Variants in IFFO1 observed in about 807,000 individuals in gnomAD.
The protein encoded by IFFO1 is intermediate filament family orphan 1, also known as non-homologous end joining factor IFFO1.
Under a neutral mutation model 59.6 loss-of-function variants are expected in IFFO1, and 42 were observed. That is an observed-to-expected ratio of 0.70 (90% confidence interval 0.55 to 0.91). IFFO1 has a LOEUF of 0.91. Ranked by LOEUF, IFFO1 falls within the 40% of genes least tolerant of loss-of-function variation. IFFO1 has a pLI of 0.00. For missense variants in IFFO1, 711 were observed against 793.2 expected (o/e 0.90, Z 1.24); for synonymous variants, 336 against 342.8 (o/e 0.98, Z 0.22).
Position 6,555,874 on chromosome 12 carries a change from C to T in IFFO1, c.156G>A (p.Ser52=). 1 of 1,603,560 alleles carries T rather than the reference C, an allele frequency of 6.2e-7. No homozygotes were observed. Among genetic ancestry groups the T allele is most frequent in the Non-Finnish European group, 8.5e-7 (1 of 1,177,196 alleles). ...GCGGGGCCGGGCCCGGCCCGGGCGG[C>T]GAGTAGGCAGCAGGGCCGGCCGGCG... is the stretch of plus-strand genomic sequence containing the variant. ...PLSPAGPAAY[S]PPGPGPAPPA... Residue 52 remains serine, a synonymous_variant, in exon 1 of 10, where the codon TCG becomes TCA. Transcript: ENST00000619571. The surrounding 1 kb of genome is among the most constrained non-coding windows in gnomAD (Gnocchi z 8.6).
rs765364868 is a variant in IFFO1 at position 6,548,785 on chromosome 12, G to A, written c.1145C>T (p.Ala382Val). The A allele has an allele frequency of 6.2e-7, 1 of 1,613,862 alleles. No homozygotes were observed. The highest frequency in any genetic ancestry group is 1.1e-5 in the South Asian group (1 of 91,072). Residue 382 changes from alanine (A) to valine (V), a missense_variant, in exon 6 of 10, where the codon GCC (alanine) becomes GTC (valine). Physicochemically the swap from Ala to Val is moderately conservative, Grantham distance 64. Around this residue, in one of 3 missense-constraint regions of IFFO1, gnomAD observed 579 missense variants for 650.3 expected, o/e 0.89. Transcript: ENST00000619571. The surrounding 1 kb of genome is among the most constrained non-coding windows in gnomAD (Gnocchi z 6.1). ...MGGRKRERKA[A>V]VEEDTSLSES... Reference sequence around the variant, plus strand: ...CGACAGGGAGGTGTCCTCCTCGACGGCAGCCTTGCGCTCCCGCTTCCGCCC... The same window carrying A: ...CGACAGGGAGGTGTCCTCCTCGACGACAGCCTTGCGCTCCCGCTTCCGCCC...
At position 6,541,649 on chromosome 12, in the gene IFFO1, T is replaced by G; in HGVS notation, c.1480-7A>C. 1 of 1,613,916 alleles carries G rather than the reference T, an allele frequency of 6.2e-7. No homozygotes were observed. The highest frequency in any genetic ancestry group is 1.7e-5 in the Admixed American group (1 of 60,022). ...TGGCCGTGGCCAACTCCAGCTGTGGTGGGGCAGGCAGGGCCATCGGGGTTA... is the reference window on the plus strand; with the variant it reads ...TGGCCGTGGCCAACTCCAGCTGTGGGGGGGCAGGCAGGGCCATCGGGGTTA... On this transcript the variant is annotated splice_polypyrimidine_tract_variant and splice_region_variant and intron_variant, in intron 8 of 9. Transcript: ENST00000619571. The surrounding 1 kb of genome is among the most constrained non-coding windows in gnomAD (Gnocchi z 4.8).
At chr12:6,547,170 G>A (rs1263561614) in intron 8 of IFFO1, among the ~76,000 whole-genome samples, 1 of 152,164 alleles carries the variant, frequency 6.6e-6, no homozygotes. Context: ...AACACTTTGT[G>A]GGGCCGAGTT....
At chr12:6,540,922 C>T (rs902447523) in intron 9 of IFFO1, among the ~76,000 whole-genome samples, 46 of 151,580 alleles carry the variant, frequency 3.0e-4, no homozygotes, top group African/African-American at 8.5e-4. Context: ...AACCCCATCT[C>T]TACTAAAAAT....
chr12:6,551,140 A>C, intron 1 of IFFO1, 139 bp from the exon 2 acceptor site: 1 of 822,654 alleles, frequency 1.2e-6, no homozygotes, highest in Non-Finnish European at 1.9e-6. Context: ...GGGCACAGGA[A>C]TGCCTGGCCA....
At chr12:6,553,369 T>C (rs1947317946) in intron 1 of IFFO1, among the ~76,000 whole-genome samples, 1 of 152,160 alleles carries the variant, frequency 6.6e-6, no homozygotes, top group African/African-American at 2.4e-5. Context: ...GTTGTTCCTG[T>C]GGTTATGGAT....
intron 8 of IFFO1, among the ~76,000 whole-genome samples, chr12:6,542,724 T>C (rs1384815614): frequency 1.3e-5 from 2 of 152,070 alleles, no homozygotes; most frequent in Non-Finnish European, 2.9e-5. Flanking sequence ...GGCCCCACAG[T>C]AGTGGGAGGA....
chr12:6,550,146 A>G (rs781690490), intron 3 of IFFO1: 1 of 453,440 alleles, frequency 2.2e-6, no homozygotes, highest in South Asian at 4.3e-5. Context: ...GGGCATGGCC[A>G]GTGCCTGGGA....
At chr12:6,551,539 A>C in intron 1 of IFFO1, 3 of 1,191,256 alleles carry the variant, frequency 2.5e-6, no homozygotes, top group Non-Finnish European at 2.2e-6. Context: ...GAGTGGGTCA[A>C]GAGCCTGGTA....
Position 6,549,573 on chromosome 12 carries a change from A to G in IFFO1, c.1072-89T>C. 7.4e-7 allele frequency: 1 copy of G among 1,351,772 alleles called. No individual in the cohort carries two copies. Among genetic ancestry groups the G allele is most frequent in the Non-Finnish European group, 1.1e-6 (1 of 944,888 alleles). 83.7% of individuals were successfully genotyped at this position (1,351,772 alleles called of 1,614,324 possible). ...AGGGGGAAGGGAGAGACGGCGTTAGAGACAGCTTCCACGATGCCCCTCCTG... is the reference window on the plus strand; with the variant it reads ...AGGGGGAAGGGAGAGACGGCGTTAGGGACAGCTTCCACGATGCCCCTCCTG... On this transcript the variant is annotated intron_variant, in intron 4 of 9. Transcript: ENST00000619571. This position sits in a 1 kb window ranked among gnomAD's most constrained non-coding sequence, Gnocchi z 5.0.
rs979042896 is a variant in IFFO1, at chr12:6,541,704, C to T, written c.1480-62G>A. 4 of 1,603,430 alleles carry T rather than the reference C, an allele frequency of 2.5e-6. No homozygotes were observed. Among genetic ancestry groups the T allele is most frequent in the Non-Finnish European group, 3.4e-6 (4 of 1,175,514 alleles). The stretch of plus-strand genomic sequence containing the variant: ...GTGGCGTTCACAGCGCCTCTGTTGC[C>T]CCCGCCAGGAGGCCAACACGCCAAG... On this transcript the variant is annotated intron_variant, in intron 8 of 9. Transcript: ENST00000619571. The surrounding 1 kb of genome is among the most constrained non-coding windows in gnomAD (Gnocchi z 4.8).
Position 6,548,258 on chromosome 12 carries a change from TG to T in IFFO1, c.1384-99del. On this transcript the variant is annotated intron_variant, in intron 7 of 9. Transcript: ENST00000619571. This position sits in a 1 kb window ranked among gnomAD's most constrained non-coding sequence, Gnocchi z 6.1. ...CAGGGAGAGAGAGAGAGAGGAAGTC[TG>T]GTTAAAGAAACTGGAGAAAGAAAAG... 7.4e-7 allele frequency: 1 copy of T among 1,345,932 alleles called. No individual in the cohort carries two copies. Among genetic ancestry groups the T allele is most frequent in the Non-Finnish European group, 1.1e-6 (1 of 941,206 alleles). 83.4% of individuals were successfully genotyped at this position (1,345,932 alleles called of 1,614,324 possible).
chr12:6,549,601 G>T lies in IFFO1; in HGVS notation c.1072-117C>A. On this transcript the variant is annotated intron_variant, in intron 4 of 9. Coordinates refer to ENST00000619571, the MANE Select transcript of IFFO1 (RefSeq NM_001193457.2). This position sits in a 1 kb window ranked among gnomAD's most constrained non-coding sequence, Gnocchi z 5.0. The stretch of plus-strand genomic sequence containing the variant: ...CAGCTTCCACGATGCCCCTCCTGAT[G>T]CTGCTCCTTACCCCCCAGTCTAGCC... 1 of 1,332,708 alleles carries T rather than the reference G, an allele frequency of 7.5e-7. No homozygotes were observed. 82.6% of individuals were successfully genotyped at this position (1,332,708 alleles called of 1,614,324 possible).
In IFFO1 at chr12:6,549,510, G is replaced by A; in HGVS notation, c.1072-26C>T. 7 of 1,586,260 alleles carry A rather than the reference G, an allele frequency of 4.4e-6. No homozygotes were observed. Among genetic ancestry groups the A allele is most frequent in the Non-Finnish European group, 6.1e-6 (7 of 1,154,788 alleles). Reference sequence around the variant, plus strand: ...CTGTGGAGGAAGCAAGAGAGAAGATGAGAGGAAGAGAGGAGAGGAAGCAGA... The same window carrying A: ...CTGTGGAGGAAGCAAGAGAGAAGATAAGAGGAAGAGAGGAGAGGAAGCAGA... On this transcript the variant is annotated intron_variant, in intron 4 of 9. Transcript: ENST00000619571. The surrounding 1 kb of genome is among the most constrained non-coding windows in gnomAD (Gnocchi z 5.0).
Position 6,555,818 on chromosome 12 carries a change from C to T in IFFO1, c.212G>A (p.Gly71Asp). Residue 71 changes from glycine to aspartate, a missense_variant, in exon 1 of 10, where the codon GGC (glycine) becomes GAC (aspartate). Gly to Asp is a moderately conservative substitution (Grantham distance 94). Coordinates refer to ENST00000619571, the MANE Select transcript of IFFO1 (RefSeq NM_001193457.2). The surrounding 1 kb of genome is among the most constrained non-coding windows in gnomAD (Gnocchi z 8.6). ...GGTCTTGAGCACGTTGATGTTGGAG[C>T]CCAGGTCATTGCGGAGGGCCATGGC... ...PAAMALRNDLGSNINVLKTLN... is the reference protein window; with the variant it reads ...PAAMALRNDLDSNINVLKTLN... 6.2e-7 allele frequency: 1 copy of T among 1,612,218 alleles called. No individual in the cohort carries two copies.
chr12:6,553,695 C>A (rs1352632079), intron 1 of IFFO1, among the ~76,000 whole-genome samples: 1 of 152,148 alleles, frequency 6.6e-6, no homozygotes, highest in Admixed American at 6.5e-5. Flanking sequence ...TTGCTTGAGC[C>A]CAGGAGGATG....
Position 6,555,663 on chromosome 12 carries a change from C to G in IFFO1, c.367G>C (p.Asp123His), listed in dbSNP as rs779040178. Reference protein sequence around the residue: ...KQGRRGLGRRDQAVQTGFVSP... With the variant: ...KQGRRGLGRRHQAVQTGFVSP... ...ACGAAGCCGGTCTGCACTGCCTGGT[C>G]GCGACGACCCAGGCCCCGCCGGCCC... is the stretch of plus-strand genomic sequence containing the variant. The change falls in exon 1 of 10, where the codon GAC becomes CAC. Residue 123 changes from aspartate to histidine, a missense_variant. Transcript: ENST00000619571. The surrounding 1 kb of genome is among the most constrained non-coding windows in gnomAD (Gnocchi z 8.6). The G allele has an allele frequency of 6.2e-7, 1 of 1,602,172 alleles. No individual in the cohort carries two copies. The highest frequency in any genetic ancestry group is 1.7e-5 in the Admixed American group (1 of 58,828).
chr12:6,542,557 G>C (rs1353637750), intron 8 of IFFO1, among the ~76,000 whole-genome samples: 2 of 152,250 alleles, frequency 1.3e-5, no homozygotes, highest in African/African-American at 4.8e-5. Flanking sequence ...ATGTGGATTG[G>C]ACAGAGAGGG....
intron 8 of IFFO1, among the ~76,000 whole-genome samples, chr12:6,542,940 T>G (rs1339041901): frequency 6.6e-6 from 1 of 152,198 alleles, no homozygotes; most frequent in Non-Finnish European, 1.5e-5. Context: ...CTGCCACCAG[T>G]AGTCTCTGCA....
Sources: gnomAD v4.1 joint callset for allele counts (sites outside exome capture counted in the v4.1 genomes callset) on GRCh38, gnomAD v4.1.1 for gene constraint, gnomAD v4.1.1 regional missense constraint, Gnocchi (gnomAD v3.1) non-coding constraint, MANE v1.5 for transcripts, NCBI Gene and HGNC (gene_info 2026-07-23, HGNC 2026-07-21) for gene names.